The following FUT8 variants were observed in gnomAD, a reference collection of about 807,000 sequenced individuals.
FUT8 encodes the protein fucosyltransferase 8, also known as alpha-(1,6)-fucosyltransferase.
In FUT8, 29 loss-of-function variants were observed where a neutral mutation model predicts 71.3. The observed-to-expected ratio is 0.41, with a 90% confidence interval of 0.30 to 0.55. The LOEUF is 0.55. Among genes scored for constraint, FUT8 ranks in the 20% least tolerant of loss-of-function variants. The pLI is 0.34. For missense variants in FUT8, 544 were observed against 702.1 expected, an observed-to-expected ratio of 0.77 and a Z score of 2.55; for synonymous variants, 254 against 239.3, an observed-to-expected ratio of 1.06 and a Z score of -0.57.
chr14:65,422,848 C>G (rs59822422), intron 1 of FUT8, among the ~76,000 whole-genome samples: 1 of 151,450 alleles, frequency 6.6e-6, no homozygotes, highest in Admixed American at 6.6e-5. Flanking sequence ...GGCAGGGTCT[C>G]GCTGTATTGC....
intron 10 of FUT8, among the ~76,000 whole-genome samples, chr14:65,737,925 C>T (rs1257587403): frequency 1.3e-5 from 2 of 152,056 alleles, no homozygotes; most frequent in South Asian, 2.1e-4. Context: ...CCAAAAACTA[C>T]GTTAACTATT....
In FUT8 at chr14:65,721,963, C is replaced by T. The variant is rs1169532893; in HGVS notation, c.1024C>T (p.Leu342=). The change falls in exon 8 of 11, where the codon CTA becomes TTA. Residue 342 remains leucine (L), a synonymous_variant. Transcript: ENST00000673929. Reference sequence around the variant, plus strand: ...ATACTTGATCCGCCCACAGCCTTGGCTAGAAAAAGAAATAGAAGAAGCCAC... The same window carrying T: ...ATACTTGATCCGCCCACAGCCTTGGTTAGAAAAAGAAATAGAAGAAGCCAC... ...VKYLIRPQPW[L]EKEIEEATKK... The T allele has an allele frequency of 3.7e-6, 6 of 1,614,000 alleles. No individual in the cohort carries two copies. In the East Asian group the frequency reaches 1.3e-4, roughly 36 times the overall value.
intron 3 of FUT8, among the ~76,000 whole-genome samples, chr14:65,601,861 C>T (rs919932310): frequency 1.3e-5 from 2 of 151,988 alleles, no homozygotes; most frequent in African/African-American, 2.4e-5. Context: ...TAATATAACC[C>T]CATGTATTTC....
chr14:65,527,964 G>C (rs995949146), intron 2 of FUT8, among the ~76,000 whole-genome samples: 2 of 152,212 alleles, frequency 1.3e-5, no homozygotes, highest in Non-Finnish European at 2.9e-5. Flanking sequence ...CCCCTACTGG[G>C]GGGTGCCTCC....
At chr14:65,367,942 A>G in the FUT8 span, among the ~76,000 whole-genome samples, 1 of 152,046 alleles carries the variant, frequency 6.6e-6, no homozygotes, top group African/African-American at 2.4e-5. Context: ...AAAAGAAAGT[A>G]TCTTTATAGC....
intron 1 of FUT8, among the ~76,000 whole-genome samples, chr14:65,432,282 T>A (rs1423665432): frequency 6.6e-6 from 1 of 152,230 alleles, no homozygotes; most frequent in African/African-American, 2.4e-5. Context: ...TACTGTAAGT[T>A]CCTGAACGTC....
intron 3 of FUT8, among the ~76,000 whole-genome samples, chr14:65,582,794 G>C (rs1232925185): frequency 6.6e-6 from 1 of 152,128 alleles, no homozygotes; most frequent in Admixed American, 6.6e-5. Flanking sequence ...TTAATAAAGT[G>C]AATTAAATGC....
intron 2 of FUT8, among the ~76,000 whole-genome samples, chr14:65,552,479 G>C (rs896319289): frequency 1.3e-5 from 2 of 152,122 alleles, no homozygotes; most frequent in Non-Finnish European, 1.5e-5. Context: ...TATAAATGTT[G>C]ATAAGAACCA....
At chr14:65,557,928 A>G (rs1885682878) in intron 2 of FUT8, among the ~76,000 whole-genome samples, 1 of 152,212 alleles carries the variant, frequency 6.6e-6, no homozygotes, top group Non-Finnish European at 1.5e-5. Flanking sequence ...TGGTTGTCAT[A>G]TCAAAGGCTG....
At chr14:65,447,795 A>G (rs1050515727) in intron 1 of FUT8, among the ~76,000 whole-genome samples, 1 of 152,174 alleles carries the variant, frequency 6.6e-6, no homozygotes, top group East Asian at 1.9e-4. Context: ...GAGAATATCT[A>G]GACATCTAGG....
chr14:65,551,762 C>T (rs1885298115), intron 2 of FUT8, among the ~76,000 whole-genome samples: 1 of 152,020 alleles, frequency 6.6e-6, no homozygotes, highest in Non-Finnish European at 1.5e-5. Context: ...ACATCCTAGC[C>T]TGCTTATATT....
intron 6 of FUT8, among the ~76,000 whole-genome samples, chr14:65,667,067 G>A (rs1198239266): frequency 6.6e-6 from 1 of 152,116 alleles, no homozygotes; most frequent in Non-Finnish European, 1.5e-5. Context: ...ACATCATACT[G>A]AGTGGACAAA....
intron 7 of FUT8, among the ~76,000 whole-genome samples, chr14:65,702,830 C>A (rs556431328): frequency 6.6e-6 from 1 of 152,162 alleles, no homozygotes; most frequent in Admixed American, 6.5e-5. Context: ...CCTCCACCTC[C>A]CAGGTTCAAG....
intron 1 of FUT8, among the ~76,000 whole-genome samples, chr14:65,426,889 C>T (rs2065396860): frequency 6.6e-6 from 1 of 151,980 alleles, no homozygotes; most frequent in East Asian, 1.9e-4. Flanking sequence ...GACGGAGTCT[C>T]TCTTTGTCGC....
At chr14:65,734,479 A>G (rs977041522) in intron 10 of FUT8, among the ~76,000 whole-genome samples, 1 of 152,184 alleles carries the variant, frequency 6.6e-6, no homozygotes, top group Non-Finnish European at 1.5e-5. Flanking sequence ...ACCCAAAGAT[A>G]GCTGCACAGA....
intron 3 of FUT8, among the ~76,000 whole-genome samples, chr14:65,605,242 TCAG>T (rs955800663): frequency 2.6e-5 from 4 of 151,972 alleles, no homozygotes; most frequent in African/African-American, 9.7e-5. Flanking sequence ...TTGGAGCAAT[TCAG>T]CAATATTTTC....
At position 65,476,637 on chromosome 14, in the gene FUT8, A is replaced by AT. The variant is rs200882761; in HGVS notation, c.-228+20953dup. Among the ~76,000 whole-genome samples the AT allele has an allele frequency of 3.5e-3, 442 of 124,796 alleles. 11 individuals carry two copies. Among genetic ancestry groups the AT allele is most frequent in the Middle Eastern group, 9.9e-3 (2 of 202 alleles). The allele number at this position is 124,796 out of a possible 152,430, so 81.9% of individuals were successfully genotyped here. On this transcript the variant is annotated intron_variant, in intron 2 of 10. Coordinates refer to ENST00000673929, the MANE Select transcript of FUT8 (RefSeq NM_001371533.1). The stretch of plus-strand genomic sequence containing the variant: ...TCAAGTGGTAGAGTTAAAGAAGTAG[A>AT]TTTTTTTTTTTTTTTTTTTTTTTTT...
intron 7 of FUT8, among the ~76,000 whole-genome samples, chr14:65,673,040 T>A (rs1173819313): frequency 6.6e-6 from 1 of 152,358 alleles, no homozygotes; most frequent in African/African-American, 2.4e-5. Flanking sequence ...ACTGAATTCT[T>A]AATATGATAA....
At chr14:65,739,062 T>G (rs1195731438) in intron 10 of FUT8, among the ~76,000 whole-genome samples, 1 of 152,088 alleles carries the variant, frequency 6.6e-6, no homozygotes, top group Non-Finnish European at 1.5e-5. Context: ...TTTTTGAAAT[T>G]TACTTAATCT....
Sources: allele counts gnomAD v4.1 joint callset (sites outside exome capture counted in the v4.1 genomes callset), GRCh38; gene constraint gnomAD v4.1.1; transcripts MANE v1.5; gene names NCBI Gene and HGNC (gene_info 2026-07-23, HGNC 2026-07-21).